The following NEK6 variants were observed in gnomAD, a reference collection of about 807,000 sequenced individuals.
NEK6 encodes serine/threonine-protein kinase Nek6.
In NEK6, 27 loss-of-function variants were observed where a neutral mutation model predicts 43.5. That is an observed-to-expected ratio of 0.62 (90% CI 0.46 to 0.86). The LOEUF (loss-of-function observed/expected upper bound fraction) is 0.86, where lower values mean the gene tolerates loss of function less well. NEK6 is among the 40% of genes least tolerant of loss of function. NEK6 has a pLI of 0.00. For missense variants in NEK6, 318 were observed against 414.4 expected (o/e 0.77, Z 2.02); for synonymous variants, 167 against 164.1 (o/e 1.02, Z -0.14).
chr9:124,308,485 C>G (rs1443686889), intron 2 of NEK6, among the ~76,000 whole-genome samples: 1 of 151,896 alleles, frequency 6.6e-6, no homozygotes, highest in African/African-American at 2.4e-5. Flanking sequence ...AACCCCATCT[C>G]TACTAAAAAT....
At chr9:124,346,151 C>T (rs1262050597) in intron 8 of NEK6, among the ~76,000 whole-genome samples, 3 of 152,204 alleles carry the variant, frequency 2.0e-5, no homozygotes, top group African/African-American at 4.8e-5. Flanking sequence ...GGCCTGGGCT[C>T]CTGGTCCCGA....
intron 1 of NEK6, among the ~76,000 whole-genome samples, chr9:124,264,813 TC>T (rs1362110068): frequency 6.1e-5 from 3 of 49,542 alleles, no homozygotes; most frequent in African/African-American, 2.6e-4. Context: ...AGACTCTGTA[TC>T]AAAAAAAAAA....
intron 4 of NEK6, 69 bp from the exon 5 acceptor site, chr9:124,321,390 T>C: frequency 1.0e-6 from 1 of 975,386 alleles, no homozygotes; most frequent in Non-Finnish European, 1.6e-6. Context: ...AGGGTGCCGG[T>C]GGCAGGCAGG....
chr9:124,313,318 G>A (rs544697637), intron 3 of NEK6, among the ~76,000 whole-genome samples: 7 of 152,238 alleles, frequency 4.6e-5, no homozygotes, highest in East Asian at 1.9e-4. Context: ...GCTTCAGGGC[G>A]CTGGAGGAGT....
chr9:124,312,504 TC>T lies in NEK6; in HGVS notation c.91-3del, dbSNP rs139169292. 0.027 allele frequency: 43,700 copies of T among 1,612,958 alleles called. 911 individuals are homozygous for T. Among genetic ancestry groups the T allele is most frequent in the African/African-American group, 0.096 (7,199 of 75,016 alleles). On this transcript the variant is annotated splice_polypyrimidine_tract_variant and splice_region_variant and intron_variant, in intron 2 of 9. Coordinates refer to ENST00000320246, the MANE Select transcript of NEK6 (RefSeq NM_014397.6). ...CTCACGGAGGCCCTCTGTCCCCCGT[TC>T]CAGAGGCATCCCAACACGCTGTCTT...
intron 4 of NEK6, among the ~76,000 whole-genome samples, chr9:124,317,747 C>A (rs906326798): frequency 7.2e-5 from 11 of 152,174 alleles, no homozygotes; most frequent in African/African-American, 2.7e-4. Flanking sequence ...CAGGATTTAG[C>A]TCCCACTTAT....
intron 1 of NEK6, among the ~76,000 whole-genome samples, chr9:124,269,177 GA>G (rs1831331274): frequency 1.3e-5 from 2 of 152,154 alleles, no homozygotes; most frequent in South Asian, 4.1e-4. Flanking sequence ...CCAAGTTACA[GA>G]GGGGAAACTG....
chr9:124,340,576 A>AC (rs971212814), intron 8 of NEK6, among the ~76,000 whole-genome samples: 8 of 151,978 alleles, frequency 5.3e-5, no homozygotes, highest in African/African-American at 9.7e-5. Context: ...GGCTCTGGAA[A>AC]CCCCCCCAGG....
intron 1 of NEK6, among the ~76,000 whole-genome samples, chr9:124,263,990 C>G (rs1387703121): frequency 1.3e-5 from 2 of 152,238 alleles, no homozygotes; most frequent in Admixed American, 6.5e-5. Flanking sequence ...ATTATTTACA[C>G]AGCGTCGGCC....
At chr9:124,264,110 C>T (rs932108339) in intron 1 of NEK6, among the ~76,000 whole-genome samples, 2 of 152,242 alleles carry the variant, frequency 1.3e-5, no homozygotes, top group African/African-American at 2.4e-5. Context: ...CATGGCAAGG[C>T]CTGAGGGAGT....
chr9:124,314,395 A>G (rs964324818), intron 4 of NEK6, among the ~76,000 whole-genome samples: 7 of 150,624 alleles, frequency 4.6e-5, no homozygotes, highest in Admixed American at 1.3e-4. Context: ...CTCTGTCTCT[A>G]TGTCTGTCTC....
chr9:124,258,451 G>A (rs1830896832), intron 1 of NEK6: 3 of 629,644 alleles, frequency 4.8e-6, no homozygotes, highest in East Asian at 1.4e-4. Flanking sequence ...GGCGCCGCAG[G>A]GAGTACGTGC....
chr9:124,280,581 C>T (rs1367623148), intron 1 of NEK6, among the ~76,000 whole-genome samples: 1 of 152,170 alleles, frequency 6.6e-6, no homozygotes, highest in Non-Finnish European at 1.5e-5. Flanking sequence ...ATGGGTGTGA[C>T]GTTTTCCAAG....
At chr9:124,292,484 C>T (rs1372931009) in intron 1 of NEK6, 2 of 1,537,118 alleles carry the variant, frequency 1.3e-6, no homozygotes, top group South Asian at 2.4e-5. Flanking sequence ...GGCTTGAAAG[C>T]TTTCCCTGCA....
At chr9:124,349,314 T>A (rs1186262103) in intron 9 of NEK6, among the ~76,000 whole-genome samples, 1 of 152,214 alleles carries the variant, frequency 6.6e-6, no homozygotes, top group Admixed American at 6.5e-5. Context: ...AATTCGGACT[T>A]GTGTATGATT....
intron 1 of NEK6, chr9:124,299,884 C>T (rs1832867459): frequency 6.6e-6 from 1 of 152,144 alleles, no homozygotes; most frequent in African/African-American, 2.4e-5. Context: ...ATGAGCCAGG[C>T]TTGGCAGGAC....
chr9:124,339,184 A>G (rs1829454403), intron 7 of NEK6, among the ~76,000 whole-genome samples: 2 of 152,004 alleles, frequency 1.3e-5, no homozygotes, highest in South Asian at 2.1e-4. Flanking sequence ...GTCTGCCACT[A>G]TGCCCAGCTA....
chr9:124,344,412 CCCAG>C (rs1829809420), intron 8 of NEK6, among the ~76,000 whole-genome samples: 2 of 152,220 alleles, frequency 1.3e-5, no homozygotes, highest in South Asian at 2.1e-4. Context: ...TGGCGCTGAC[CCCAG>C]CTAGTGGGAG....
chr9:124,335,632 C>T (rs1235449505), intron 7 of NEK6, among the ~76,000 whole-genome samples: 1 of 152,232 alleles, frequency 6.6e-6, no homozygotes, highest in Non-Finnish European at 1.5e-5. Flanking sequence ...GGCAGGCGGA[C>T]TCATTCATCC....
Sources: gnomAD v4.1 joint callset for allele counts (sites outside exome capture counted in the v4.1 genomes callset) on GRCh38, gnomAD v4.1.1 for gene constraint, MANE v1.5 for transcripts, NCBI Gene and HGNC (gene_info 2026-07-23, HGNC 2026-07-21) for gene names.